DNAJC10: variants seen among roughly 807,000 people sequenced by gnomAD.
DNAJC10 encodes the protein DnaJ heat shock protein family (Hsp40) member C10.
A neutral mutation model predicts 115.0 loss-of-function variants in DNAJC10; 101 were observed. The ratio of observed to expected loss-of-function variants is 0.88; its 90% CI spans 0.75 to 1.04. The LOEUF is 1.04. Ranked by LOEUF, DNAJC10 falls within the 50% of genes least tolerant of loss-of-function variation. The pLI is 0.00. For missense variants in DNAJC10, 981 were observed against 928.8 expected (o/e 1.06, Z -0.73); for synonymous variants, 307 against 301.5 (o/e 1.02, Z -0.19).
rs1473301886 is a variant in DNAJC10, at chr2:182,777,179, A to C, written c.*47A>C. ...AGTTTAAAAGAAATTCTGACAGATG[A>C]CATCAGAAGACACCTATTTAGAATG... On this transcript the variant is annotated 3_prime_UTR_variant, in exon 24 of 24. Coordinates refer to ENST00000264065, the MANE Select transcript of DNAJC10 (RefSeq NM_018981.4). The C allele has an allele frequency of 4.4e-6, 5 of 1,148,602 alleles. No individual in the cohort carries two copies. The highest frequency in any genetic ancestry group is 6.0e-6 in the Non-Finnish European group (5 of 827,206). 71.2% of individuals were successfully genotyped at this position (1,148,602 alleles called of 1,614,324 possible).
In DNAJC10 at chr2:182,719,140, A is replaced by G. The variant is rs553810818; in HGVS notation, c.204+850A>G. ...TTTAAGTTTCCATATAAAAGACAGT[A>G]GACCTTCTACCATCCGAGTATTATT... On this transcript the variant is annotated intron_variant, in intron 3 of 23. Coordinates refer to ENST00000264065, the MANE Select transcript of DNAJC10 (RefSeq NM_018981.4). Among the ~76,000 whole-genome samples the G allele has an allele frequency of 2.0e-5, 3 of 152,030 alleles. No individual in the cohort carries two copies. The East Asian group carries it at 5.8e-4, about 29-fold the overall frequency.
At chr2:182,775,198 T>TCAAA (rs1170803468) in intron 22 of DNAJC10, 118 bp from the exon 23 acceptor site, 1 of 678,148 alleles carries the variant, frequency 1.5e-6, no homozygotes, top group Non-Finnish European at 2.5e-6. Flanking sequence ...AATTTGAATT[T>TCAAA]CAAACACTTC....
At chr2:182,721,992 G>C in intron 4 of DNAJC10, 33 bp from the exon 5 acceptor site, 1 of 1,273,040 alleles carries the variant, frequency 7.9e-7, no homozygotes, top group African/African-American at 1.6e-5. Context: ...GTGAAGTTTT[G>C]ATTTTATAAT....
chr2:182,765,828 A>G (rs1694397468), intron 22 of DNAJC10, among the ~76,000 whole-genome samples: 1 of 152,248 alleles, frequency 6.6e-6, no homozygotes, highest in African/African-American at 2.4e-5. Context: ...TAAAGTTGCA[A>G]TGCATATGCA....
chr2:182,769,400 C>T (rs1032379075), intron 22 of DNAJC10, among the ~76,000 whole-genome samples: 1 of 152,180 alleles, frequency 6.6e-6, no homozygotes, highest in African/African-American at 2.4e-5. Context: ...GGAATCGCCA[C>T]ACTGTCTTAC....
Position 182,729,949 on chromosome 2 carries a change from T to A in DNAJC10, c.727+8T>A. On this transcript the variant is annotated splice_region_variant and intron_variant, in intron 8 of 23. Transcript: ENST00000264065. ...TGACAGAACTTTGGACAGGTAATTT[T>A]ATTTTCTTAATTTGCTTGATTTTCA... 1 of 1,567,462 alleles carries A rather than the reference T, an allele frequency of 6.4e-7. No homozygotes were observed. The highest frequency in any genetic ancestry group is 8.7e-7 in the Non-Finnish European group (1 of 1,148,558).
At chr2:182,744,398 G>A (rs1010390761) in intron 14 of DNAJC10, among the ~76,000 whole-genome samples, 2 of 152,152 alleles carry the variant, frequency 1.3e-5, no homozygotes, top group East Asian at 3.9e-4. Flanking sequence ...ATAGTGTAGC[G>A]GGGAACAGAG....
At position 182,728,560 on chromosome 2, in the gene DNAJC10, T is replaced by G; in HGVS notation, c.419-16T>G. On this transcript the variant is annotated splice_polypyrimidine_tract_variant and intron_variant, in intron 5 of 23. Transcript: ENST00000264065. ...AATAAATAATTCTAAGTTGTTTGCATTTTATGTATTTTTAGATGCTGCTGT... is the reference window on the plus strand; with the variant it reads ...AATAAATAATTCTAAGTTGTTTGCAGTTTATGTATTTTTAGATGCTGCTGT... 1 of 1,570,172 alleles carries G rather than the reference T, an allele frequency of 6.4e-7. No homozygotes were observed.
intron 5 of DNAJC10, among the ~76,000 whole-genome samples, chr2:182,724,940 A>G (rs1323953521): frequency 6.6e-6 from 1 of 152,196 alleles, no homozygotes; most frequent in East Asian, 1.9e-4. Flanking sequence ...GATTTATTGC[A>G]CTTCATAGAT....
rs759446424 is a variant in DNAJC10, at chr2:182,764,516, C to CAT, written c.2265+1716_2265+1717dup. 6.6e-5 allele frequency among the ~76,000 whole-genome samples: 10 copies of CAT among 152,104 alleles called. No individual in the cohort carries two copies. The East Asian group carries it at 1.7e-3, about 26-fold the overall frequency. Reference sequence around the variant, plus strand: ...AAATTTACAGGCAGCCACCATTCTGCATGCCATTTTAAGATCATGACACAG... The same window carrying CAT: ...AAATTTACAGGCAGCCACCATTCTGCATATGCCATTTTAAGATCATGACACAG... On this transcript the variant is annotated intron_variant, in intron 22 of 23. Transcript: ENST00000264065.
intron 13 of DNAJC10, among the ~76,000 whole-genome samples, chr2:182,742,616 G>A (rs1335908752): frequency 6.6e-6 from 1 of 152,126 alleles, no homozygotes; most frequent in Non-Finnish European, 1.5e-5. Flanking sequence ...ATTTCTCCAC[G>A]CTGTGCCCAC....
chr2:182,770,301 C>CT (rs1694527049), intron 22 of DNAJC10, among the ~76,000 whole-genome samples: 2 of 152,060 alleles, frequency 1.3e-5, no homozygotes, highest in South Asian at 4.2e-4. Context: ...AATACGGGCT[C>CT]TTTTTTGGTT....
intron 22 of DNAJC10, among the ~76,000 whole-genome samples, chr2:182,773,684 C>T (rs1213938015): frequency 6.6e-6 from 1 of 152,172 alleles, no homozygotes; most frequent in East Asian, 1.9e-4. Flanking sequence ...TCCATCAGGT[C>T]CTTTAAGGTC....
intron 16 of DNAJC10, among the ~76,000 whole-genome samples, chr2:182,753,066 T>C (rs191512543): frequency 1.3e-3 from 201 of 152,290 alleles, no homozygotes; most frequent in Non-Finnish European, 2.1e-3. Flanking sequence ...AATGATACTT[T>C]GGTTATATGG....
chr2:182,763,874 G>A (rs188377011), intron 22 of DNAJC10, among the ~76,000 whole-genome samples: 5 of 152,068 alleles, frequency 3.3e-5, no homozygotes, highest in African/African-American at 7.2e-5. Context: ...CTAGCAAACA[G>A]ATAAAAAAAA....
intron 22 of DNAJC10, among the ~76,000 whole-genome samples, chr2:182,774,504 C>T (rs890354852): frequency 6.6e-6 from 1 of 152,346 alleles, no homozygotes. Flanking sequence ...TGGGCTCCAC[C>T]CAGTTTGAGC....
rs559962422 is a variant in DNAJC10, at chr2:182,789,626, A to C, written c.*12494A>C. The stretch of plus-strand genomic sequence containing the variant: ...CCTTCACCCTTTGGCCATTGCAAAT[A>C]ATGCTGCTATAAACATGGGTGTACA... On this transcript the variant is annotated 3_prime_UTR_variant, in exon 24 of 24. Coordinates refer to ENST00000264065, the MANE Select transcript of DNAJC10 (RefSeq NM_018981.4). 2 of 152,350 alleles carry C rather than the reference A, an allele frequency of 1.3e-5. No homozygotes were observed. The highest frequency in any genetic ancestry group is 1.3e-4 in the Admixed American group (2 of 15,300). 9.4% of individuals were successfully genotyped at this position (152,350 alleles called of 1,614,324 possible).
chr2:182,762,372 G>A (rs951082995), intron 21 of DNAJC10, among the ~76,000 whole-genome samples: 4 of 152,056 alleles, frequency 2.6e-5, no homozygotes, highest in Non-Finnish European at 4.4e-5. Context: ...AGGAGAAAAA[G>A]ATAGAAACAG....
chr2:182,762,605 T>G lies in DNAJC10; in HGVS notation c.2146-77T>G, dbSNP rs184180364. 72 of 1,429,506 alleles carry G rather than the reference T, an allele frequency of 5.0e-5. No individual in the cohort carries two copies. In the East Asian group the frequency reaches 1.6e-3, roughly 32 times the overall value. 88.6% of individuals were successfully genotyped at this position (1,429,506 alleles called of 1,614,324 possible). ...AATAAATTCTTAGATTCAAAATGTT[T>G]TATATCCTATTGCTTTGTTGTTGCC... On this transcript the variant is annotated intron_variant, in intron 21 of 23. Coordinates refer to ENST00000264065, the MANE Select transcript of DNAJC10 (RefSeq NM_018981.4).
Sources: allele counts gnomAD v4.1 joint callset (sites outside exome capture counted in the v4.1 genomes callset), GRCh38; gene constraint gnomAD v4.1.1; transcripts MANE v1.5; gene names NCBI Gene and HGNC (gene_info 2026-07-23, HGNC 2026-07-21).